EDA: variants seen among roughly 807,000 people sequenced by gnomAD.
EDA encodes the protein ectodysplasin-A.
Under a neutral mutation model 23.6 loss-of-function variants are expected in EDA, and 2 were observed. The ratio of observed to expected loss-of-function variants is 0.08; its 90% CI spans 0.03 to 0.27. The LOEUF is 0.27. EDA is among the 10% of genes least tolerant of loss of function. The pLI, the probability that EDA is intolerant of heterozygous loss-of-function variation, is 1.00. For synonymous variants in EDA, 131 were observed against 132.0 expected (o/e 0.99, Z 0.05); for missense variants, 229 against 324.2 (o/e 0.71, Z 2.26).
In EDA at chrX:69,720,740, C is replaced by T. The variant is rs557102187; in HGVS notation, c.396+104036C>T. Reference sequence around the variant, plus strand: ...TTTAATAATTTCTATTTCTTTGCTGCATTTTTCCTTTTTCATCTGTTTCAA... The same window carrying T: ...TTTAATAATTTCTATTTCTTTGCTGTATTTTTCCTTTTTCATCTGTTTCAA... On this transcript the variant is annotated intron_variant, in intron 1 of 7. Coordinates refer to ENST00000374552, the MANE Select transcript of EDA (RefSeq NM_001399.5). Among the ~76,000 whole-genome samples the T allele has an allele frequency of 1.3e-4, 15 of 112,424 alleles. No individual in the cohort carries two copies. The South Asian group carries it at 5.1e-3, about 39-fold the overall frequency.
chrX:69,630,300 A>G (rs1181088851), intron 1 of EDA, among the ~76,000 whole-genome samples: 3 of 111,809 alleles, frequency 2.7e-5, no homozygotes, highest in African/African-American at 9.8e-5. Context: ...AGTTCAGGAC[A>G]TAAGACCAAG....
intron 1 of EDA, among the ~76,000 whole-genome samples, chrX:69,885,145 T>G (rs1393039599): frequency 8.9e-6 from 1 of 112,330 alleles, no homozygotes; most frequent in Non-Finnish European, 1.9e-5. Flanking sequence ...ATTCATATCT[T>G]TTGCCCAATT....
At chrX:69,738,278 T>C (rs1320557379) in intron 1 of EDA, among the ~76,000 whole-genome samples, 1 of 110,048 alleles carries the variant, frequency 9.1e-6, no homozygotes, top group Non-Finnish European at 1.9e-5. Flanking sequence ...TTTTCTGCAG[T>C]GTCTAATCTG....
chrX:69,648,669 G>C (rs756454710), intron 1 of EDA, among the ~76,000 whole-genome samples: 4 of 112,245 alleles, frequency 3.6e-5, no homozygotes, highest in Non-Finnish European at 7.5e-5. Flanking sequence ...TTCCAAGCCA[G>C]TGCATCTTAA....
chrX:69,823,145 T>C (rs12847506), intron 1 of EDA, among the ~76,000 whole-genome samples: 9,148 of 67,714 alleles, frequency 0.14, 922 homozygotes, highest in African/African-American at 0.23. Context: ...TGAATAATGC[T>C]GCAATAAACA....
chrX:70,004,740 A>G (rs748076429), intron 2 of EDA, among the ~76,000 whole-genome samples: 2 of 112,072 alleles, frequency 1.8e-5, no homozygotes, highest in South Asian at 3.7e-4. Context: ...CTGGTACTGA[A>G]TAAATGTTGA....
chrX:69,622,318 C>T lies in EDA; in HGVS notation c.396+5614C>T, dbSNP rs564338633. Among the ~76,000 whole-genome samples, 3 of 112,159 alleles carry T rather than the reference C, an allele frequency of 2.7e-5. No individual in the cohort carries two copies. In the South Asian group the frequency reaches 1.1e-3, roughly 42 times the overall value. On this transcript the variant is annotated intron_variant, in intron 1 of 7. Transcript: ENST00000374552. ...TTTTCTAAGTCATTGTATCAATTTA[C>T]ATGCTCACCAGCAATGTATGAGAAT...
chrX:70,030,587 TA>T, intron 6 of EDA, 67 bp downstream of exon 6: 1 of 1,004,109 alleles, frequency 1.0e-6, no homozygotes, highest in Non-Finnish European at 1.4e-6. Context: ...AGCCTCCAAA[TA>T]ATCACCCAGC....
chrX:69,882,547 A>G (rs1318769530), intron 1 of EDA, among the ~76,000 whole-genome samples: 1 of 111,920 alleles, frequency 8.9e-6, no homozygotes, highest in African/African-American at 3.3e-5. Flanking sequence ...CCCCAGTAGA[A>G]GTGTTGATTG....
intron 1 of EDA, among the ~76,000 whole-genome samples, chrX:69,843,818 C>T (rs997196232): frequency 3.0e-4 from 33 of 110,484 alleles, no homozygotes; most frequent in African/African-American, 1.1e-3. Context: ...GTCAGGAGAT[C>T]GAGACCATCC....
intron 1 of EDA, among the ~76,000 whole-genome samples, chrX:69,716,665 A>G (rs1793155373): frequency 9.0e-6 from 1 of 111,445 alleles, no homozygotes; most frequent in African/African-American, 3.3e-5. Flanking sequence ...TTTGGGCAGT[A>G]TGGCCATTTT....
At chrX:69,753,357 G>A (rs1469937652) in intron 1 of EDA, among the ~76,000 whole-genome samples, 2 of 112,045 alleles carry the variant, frequency 1.8e-5, no homozygotes, top group Non-Finnish European at 3.8e-5. Flanking sequence ...TCAGGAGCAG[G>A]TTGTTCAGTT....
At chrX:69,760,322 C>T (rs939903175) in intron 1 of EDA, among the ~76,000 whole-genome samples, 2 of 110,264 alleles carry the variant, frequency 1.8e-5, no homozygotes, top group South Asian at 3.9e-4. Flanking sequence ...AGTAGAACTT[C>T]CCATTTCAGA....
intron 2 of EDA, among the ~76,000 whole-genome samples, chrX:70,011,097 G>A (rs769607115): frequency 9.0e-6 from 1 of 110,853 alleles, no homozygotes; most frequent in East Asian, 2.8e-4. Context: ...TTTTAATTAA[G>A]CATTTTATAT....
At chrX:69,989,936 CT>C (rs760347264) in intron 2 of EDA, among the ~76,000 whole-genome samples, 11,338 of 70,443 alleles carry the variant, frequency 0.16, 693 homozygotes, top group East Asian at 0.53. Flanking sequence ...GTTAGGCTTT[CT>C]TTTTTTTTTT....
intron 1 of EDA, among the ~76,000 whole-genome samples, chrX:69,841,951 A>C (rs2016903873): frequency 8.9e-6 from 1 of 112,296 alleles, no homozygotes; most frequent in South Asian, 3.7e-4. Flanking sequence ...CAGTCTTGTC[A>C]TTCTGCTTCT....
At chrX:69,720,302 T>C (rs1330466256) in intron 1 of EDA, among the ~76,000 whole-genome samples, 3 of 112,139 alleles carry the variant, frequency 2.7e-5, no homozygotes, top group Non-Finnish European at 5.6e-5. Context: ...GTTTATTTCT[T>C]TTTATTTTTT....
intron 1 of EDA, among the ~76,000 whole-genome samples, chrX:69,701,104 C>T (rs1326540038): frequency 2.7e-5 from 3 of 111,286 alleles, no homozygotes; most frequent in South Asian, 3.8e-4. Context: ...GTAGGTTGCC[C>T]CAGTATTAAT....
At chrX:69,687,022 A>G (rs1051406159) in intron 1 of EDA, among the ~76,000 whole-genome samples, 1 of 111,947 alleles carries the variant, frequency 8.9e-6, no homozygotes, top group Non-Finnish European at 1.9e-5. Flanking sequence ...AAGTGGCTGC[A>G]CCATATTACA....
Sources: allele counts gnomAD v4.1 joint callset (sites outside exome capture counted in the v4.1 genomes callset), GRCh38; gene constraint gnomAD v4.1.1; transcripts MANE v1.5; gene names NCBI Gene and HGNC (gene_info 2026-07-23, HGNC 2026-07-21).